Variants in ZNF804B observed in about 807,000 individuals in gnomAD.
The protein encoded by ZNF804B is zinc finger protein 804B, also known as zinc finger 804B.
ZNF804B carries 80 observed loss-of-function variants against 101.4 expected under a neutral mutation model. The observed-to-expected ratio is 0.79, with a 90% CI of 0.66 to 0.95. ZNF804B has a LOEUF of 0.95. Among genes scored for constraint, ZNF804B ranks in the 40% least tolerant of loss-of-function variants. The pLI, the probability that ZNF804B is intolerant of heterozygous loss-of-function variation, is 0.00. For synonymous variants in ZNF804B, 622 were observed against 558.8 expected (o/e 1.11, Z -1.59); for missense variants, 1,673 against 1,561.9 (o/e 1.07, Z -1.20).
chr7:89,022,800 A>G (rs1788687815), intron 1 of ZNF804B, among the ~76,000 whole-genome samples: 1 of 152,230 alleles, frequency 6.6e-6, no homozygotes, highest in African/African-American at 2.4e-5. Context: ...CAGAACGATA[A>G]GTAGGAGAAA....
intron 2 of ZNF804B, among the ~76,000 whole-genome samples, chr7:89,262,145 C>T (rs1789721077): frequency 6.6e-6 from 1 of 152,130 alleles, no homozygotes; most frequent in Non-Finnish European, 1.5e-5. Context: ...TTTTCAACTT[C>T]GTTGATTGAC....
chr7:88,830,169 C>T (rs565546547), intron 1 of ZNF804B, among the ~76,000 whole-genome samples: 1 of 152,008 alleles, frequency 6.6e-6, no homozygotes, highest in Non-Finnish European at 1.5e-5. Flanking sequence ...TACTCAATTA[C>T]TAAAAAGAAT....
chr7:88,932,017 A>C (rs1254839587), intron 1 of ZNF804B, among the ~76,000 whole-genome samples: 4 of 151,778 alleles, frequency 2.6e-5, no homozygotes, highest in Non-Finnish European at 5.9e-5. Context: ...AAAAAAAGAC[A>C]TATTAACAAG....
intron 2 of ZNF804B, among the ~76,000 whole-genome samples, chr7:89,277,684 A>C (rs1197357128): frequency 2.6e-5 from 4 of 151,514 alleles, no homozygotes; most frequent in East Asian, 2.0e-4. Flanking sequence ...TGAACTCATC[A>C]TTTTTTATGG....
intron 1 of ZNF804B, among the ~76,000 whole-genome samples, chr7:89,007,161 A>G (rs1788378712): frequency 6.6e-6 from 1 of 152,048 alleles, no homozygotes; most frequent in African/African-American, 2.4e-5. Context: ...GTTGCATATA[A>G]TGGATGAGGA....
At chr7:88,796,052 A>G (rs1790478063) in intron 1 of ZNF804B, among the ~76,000 whole-genome samples, 2 of 152,102 alleles carry the variant, frequency 1.3e-5, no homozygotes, top group South Asian at 4.1e-4. Flanking sequence ...ATCTGAATCT[A>G]TCTAATGGTG....
At chr7:89,317,506 T>C (rs1415573129) in intron 2 of ZNF804B, among the ~76,000 whole-genome samples, 1 of 152,208 alleles carries the variant, frequency 6.6e-6, no homozygotes, top group East Asian at 1.9e-4. Context: ...CTAGAGCTTT[T>C]CTATGAGAGA....
In ZNF804B at chr7:89,336,712, A is replaced by G. The variant is rs1791099540; in HGVS notation, c.3730A>G (p.Ser1244Gly). 1 of 1,613,936 alleles carries G rather than the reference A, an allele frequency of 6.2e-7. No individual in the cohort carries two copies. Among genetic ancestry groups the G allele is most frequent in the African/African-American group, 1.3e-5 (1 of 74,888 alleles). The stretch of plus-strand genomic sequence containing the variant: ...ACATCCTCTTTCACAGGCACATTTC[A>G]GTCCTATTTCATTTTCGACTCTGAC... ...HLHPLSQAHF[S>G]PISFSTLTPT... The change falls in exon 4 of 4, where the codon AGT becomes GGT. Residue 1244 changes from serine (S) to glycine (G), a missense_variant. By Grantham distance (56) the Ser-to-Gly change is moderately conservative. Coordinates refer to ENST00000333190, the MANE Select transcript of ZNF804B (RefSeq NM_181646.5).
intron 1 of ZNF804B, among the ~76,000 whole-genome samples, chr7:88,961,305 G>A (rs546603855): frequency 7.3e-4 from 110 of 151,356 alleles, no homozygotes; most frequent in Non-Finnish European, 1.1e-3. Flanking sequence ...GACAGCATAC[G>A]TTTTCTTTGT....
intron 1 of ZNF804B, among the ~76,000 whole-genome samples, chr7:88,817,088 T>C (rs1417448194): frequency 1.3e-5 from 2 of 152,142 alleles, no homozygotes; most frequent in African/African-American, 4.8e-5. Flanking sequence ...TGTAGGGACA[T>C]GGATGAAGCT....
At chr7:89,090,237 T>G (rs1789863033) in intron 1 of ZNF804B, among the ~76,000 whole-genome samples, 1 of 152,112 alleles carries the variant, frequency 6.6e-6, no homozygotes, top group South Asian at 2.1e-4. Context: ...TTTTTGTCTG[T>G]TTTGTTTATT....
intron 1 of ZNF804B, among the ~76,000 whole-genome samples, chr7:89,093,917 G>A (rs1789932706): frequency 6.6e-6 from 1 of 152,214 alleles, no homozygotes; most frequent in South Asian, 2.1e-4. Context: ...TCAAATTGTT[G>A]TGGGATAGCT....
chr7:89,134,560 C>T (rs1367827582), intron 1 of ZNF804B, among the ~76,000 whole-genome samples: 1 of 152,082 alleles, frequency 6.6e-6, no homozygotes, highest in Non-Finnish European at 1.5e-5. Flanking sequence ...CCTCTTCATG[C>T]ATAGCTGGAG....
intron 1 of ZNF804B, among the ~76,000 whole-genome samples, chr7:89,146,486 T>G (rs1299076848): frequency 6.6e-6 from 1 of 152,098 alleles, no homozygotes; most frequent in East Asian, 1.9e-4. Context: ...TCTTGTAGAC[T>G]TATGGAAATA....
chr7:88,821,279 A>G (rs950863357), intron 1 of ZNF804B, among the ~76,000 whole-genome samples: 1 of 152,218 alleles, frequency 6.6e-6, no homozygotes, highest in Non-Finnish European at 1.5e-5. Context: ...AAGTGCTCAC[A>G]TTAATTCCAA....
chr7:88,815,214 A>G (rs1790857758), intron 1 of ZNF804B, among the ~76,000 whole-genome samples: 1 of 147,950 alleles, frequency 6.8e-6, no homozygotes, highest in African/African-American at 2.4e-5. Context: ...TTCTCTATAT[A>G]TAACATTTTA....
chr7:89,049,976 C>T (rs1389323538), intron 1 of ZNF804B, among the ~76,000 whole-genome samples: 1 of 152,124 alleles, frequency 6.6e-6, no homozygotes, highest in East Asian at 1.9e-4. Flanking sequence ...CATGCCACTG[C>T]ACTCCAGACT....
At chr7:89,277,525 G>C (rs1385283381) in intron 2 of ZNF804B, among the ~76,000 whole-genome samples, 4 of 114,498 alleles carry the variant, frequency 3.5e-5, no homozygotes, top group Non-Finnish European at 6.9e-5. Flanking sequence ...ACAGTCCCCA[G>C]AGTGTGATGT....
At position 88,947,654 on chromosome 7, in the gene ZNF804B, G is replaced by A. The variant is rs562459648; in HGVS notation, c.108+187570G>A. ...CTGCATGTTCTGTATATGTATCACA[G>A]AACTTAAAGTATATATAAAAAAGAA... On this transcript the variant is annotated intron_variant, in intron 1 of 3. Transcript: ENST00000333190. 2.8e-3 allele frequency among the ~76,000 whole-genome samples: 418 copies of A among 151,734 alleles called. 2 individuals are homozygous for A. The highest frequency in any genetic ancestry group is 4.1e-3 in the Non-Finnish European group (275 of 67,880).
Sources: gnomAD v4.1 joint callset for allele counts (sites outside exome capture counted in the v4.1 genomes callset) on GRCh38, gnomAD v4.1.1 for gene constraint, MANE v1.5 for transcripts, NCBI Gene and HGNC (gene_info 2026-07-23, HGNC 2026-07-21) for gene names.